The following CAMK1D variants were observed in gnomAD, a reference collection of about 807,000 sequenced individuals.
CAMK1D encodes calcium/calmodulin dependent protein kinase ID.
In CAMK1D, 9 loss-of-function variants were observed where a neutral mutation model predicts 47.7. The observed-to-expected ratio is 0.19, with a 90% CI of 0.11 to 0.33. The LOEUF is 0.33. CAMK1D is among the 10% of genes least tolerant of loss of function. The probability of loss-of-function intolerance (pLI) is 1.00; values close to 1 mark genes in which losing one functional copy is unlikely to be tolerated. For synonymous variants in CAMK1D, 184 were observed against 184.9 expected (o/e 0.99, Z 0.04); for missense variants, 291 against 488.7 (o/e 0.60, Z 3.81).
At chr10:12,545,077 A>G (rs1047392253) in intron 1 of CAMK1D, among the ~76,000 whole-genome samples, 1 of 152,164 alleles carries the variant, frequency 6.6e-6, no homozygotes, top group African/African-American at 2.4e-5. Context: ...AGACACAGAA[A>G]CAGAATGCAT....
intron 1 of CAMK1D, chr10:12,415,815 T>C (rs1839828373): frequency 6.6e-6 from 1 of 151,674 alleles, no homozygotes; most frequent in African/African-American, 2.4e-5. Context: ...TTTTTTTTTC[T>C]TTTTTTCTGA....
chr10:12,373,127 G>A (rs1838051149), intron 1 of CAMK1D, among the ~76,000 whole-genome samples: 2 of 152,114 alleles, frequency 1.3e-5, no homozygotes, highest in Admixed American at 6.6e-5. Context: ...GACGTGGTCC[G>A]CTTCTTCCTG....
chr10:12,749,558 G>GCTT (rs1554820830), intron 3 of CAMK1D, among the ~76,000 whole-genome samples: 1 of 136,132 alleles, frequency 7.3e-6, no homozygotes, highest in African/African-American at 2.9e-5. Flanking sequence ...TTTTTTGTTT[G>GCTT]TTTGTTTGTT....
chr10:12,771,250 C>A (rs138960915), intron 5 of CAMK1D, among the ~76,000 whole-genome samples: 1 of 152,152 alleles, frequency 6.6e-6, no homozygotes, highest in Non-Finnish European at 1.5e-5. Context: ...TCTTGTCATG[C>A]GAAGTGCGGT....
In CAMK1D at chr10:12,463,581, C is replaced by T. The variant is rs181617411; in HGVS notation, c.93-89644C>T. Reference sequence around the variant, plus strand: ...TAAACATGAATTCATAATCTGCCAGCACATCTGTGTCTCTATCAGCCAGTT... The same window carrying T: ...TAAACATGAATTCATAATCTGCCAGTACATCTGTGTCTCTATCAGCCAGTT... On this transcript the variant is annotated intron_variant, in intron 1 of 10. Coordinates refer to ENST00000619168, the MANE Select transcript of CAMK1D (RefSeq NM_153498.4). Among the ~76,000 whole-genome samples, 9 of 151,908 alleles carry T rather than the reference C, an allele frequency of 5.9e-5. No individual in the cohort carries two copies. In the East Asian group the frequency reaches 1.2e-3, roughly 20 times the overall value.
At chr10:12,363,665 GTTTTTTTTT>G (rs1165886868) in intron 1 of CAMK1D, among the ~76,000 whole-genome samples, 1 of 117,108 alleles carries the variant, frequency 8.5e-6, no homozygotes, top group African/African-American at 3.4e-5. Context: ...GTTTCCTAAG[GTTTTTTTTT>G]TTTTTTTTTT....
chr10:12,725,163 T>G (rs965880542), intron 3 of CAMK1D: 1 of 153,884 alleles, frequency 6.5e-6, no homozygotes, highest in Non-Finnish European at 1.5e-5. Context: ...GCCTGGTACC[T>G]GCCCACATTG....
intron 1 of CAMK1D, among the ~76,000 whole-genome samples, chr10:12,479,144 C>T (rs912464111): frequency 2.6e-5 from 4 of 152,300 alleles, no homozygotes; most frequent in African/African-American, 7.2e-5. Flanking sequence ...CTGCCCACGG[C>T]GCTGCTGAGC....
At chr10:12,823,598 G>T (rs1209192007) in intron 8 of CAMK1D, among the ~76,000 whole-genome samples, 3 of 152,030 alleles carry the variant, frequency 2.0e-5, no homozygotes, top group Admixed American at 6.6e-5. Flanking sequence ...AGACAGCAGA[G>T]GGAGGAAAGA....
In CAMK1D at chr10:12,487,219, G is replaced by A. The variant is rs543660790; in HGVS notation, c.93-66006G>A. Among the ~76,000 whole-genome samples, 5 of 152,224 alleles carry A rather than the reference G, an allele frequency of 3.3e-5. No individual in the cohort carries two copies. In the East Asian group the frequency reaches 7.7e-4, roughly 23 times the overall value. On this transcript the variant is annotated intron_variant, in intron 1 of 10. Coordinates refer to ENST00000619168, the MANE Select transcript of CAMK1D (RefSeq NM_153498.4). ...CGGTGTCAGCTGTCCCTCGCATTATGTTCATATGTTCTCATCATTTTAGGA... is the reference window on the plus strand; with the variant it reads ...CGGTGTCAGCTGTCCCTCGCATTATATTCATATGTTCTCATCATTTTAGGA...
chr10:12,707,275 T>C (rs1198694237), intron 3 of CAMK1D, among the ~76,000 whole-genome samples: 4 of 152,222 alleles, frequency 2.6e-5, no homozygotes, highest in African/African-American at 4.8e-5. Flanking sequence ...GGTTTCACTG[T>C]AAGCTTGGCA....
At chr10:12,758,126 A>C (rs1446137491) in intron 3 of CAMK1D, among the ~76,000 whole-genome samples, 1 of 152,114 alleles carries the variant, frequency 6.6e-6, no homozygotes, top group Non-Finnish European at 1.5e-5. Context: ...CTGGGATTAC[A>C]GGCATGAGCC....
At chr10:12,382,321 A>C (rs144377692) in intron 1 of CAMK1D, among the ~76,000 whole-genome samples, 2 of 152,198 alleles carry the variant, frequency 1.3e-5, no homozygotes, top group African/African-American at 4.8e-5. Context: ...CATATCTTGT[A>C]ATGATAATGT....
At chr10:12,353,165 T>G (rs1414551298) in intron 1 of CAMK1D, among the ~76,000 whole-genome samples, 2 of 152,122 alleles carry the variant, frequency 1.3e-5, no homozygotes, top group African/African-American at 4.8e-5. Flanking sequence ...GGATTTTGAG[T>G]CTGGGCCCTT....
intron 10 of CAMK1D, 47 bp from the exon 11 acceptor site, chr10:12,828,722 G>T: frequency 6.5e-7 from 1 of 1,543,142 alleles, no homozygotes. Context: ...AGCAGGGTGA[G>T]AATTTACCTC....
chr10:12,375,511 GCT>G (rs1217772846), intron 1 of CAMK1D, among the ~76,000 whole-genome samples: 1 of 152,168 alleles, frequency 6.6e-6, no homozygotes, highest in Non-Finnish European at 1.5e-5. Flanking sequence ...ACATTGCTGT[GCT>G]TGGGAAAGGG....
At chr10:12,432,646 A>G (rs2801462) in intron 1 of CAMK1D, among the ~76,000 whole-genome samples, 151,479 of 152,334 alleles carry the variant, frequency 0.99, 75,317 homozygotes, top group Middle Eastern at 1. Flanking sequence ...ATGAATGGGC[A>G]AATGAACAAA....
intron 1 of CAMK1D, among the ~76,000 whole-genome samples, chr10:12,382,360 C>T (rs1024619528): frequency 3.9e-5 from 6 of 151,920 alleles, no homozygotes; most frequent in African/African-American, 1.5e-4. Context: ...ATGCATCACA[C>T]TTGTTTATAC....
At chr10:12,505,854 T>C (rs12570533) in intron 1 of CAMK1D, among the ~76,000 whole-genome samples, 36,210 of 151,882 alleles carry the variant, frequency 0.24, 4,858 homozygotes, top group South Asian at 0.34. Context: ...CAGACAGCTG[T>C]CATCTTCCTC....
Sources: gnomAD v4.1 joint callset for allele counts (sites outside exome capture counted in the v4.1 genomes callset) on GRCh38, gnomAD v4.1.1 for gene constraint, MANE v1.5 for transcripts, NCBI Gene and HGNC (gene_info 2026-07-23, HGNC 2026-07-21) for gene names.